KLHL13: variants seen among roughly 807,000 people sequenced by gnomAD.
The protein encoded by KLHL13 is kelch-like protein 13.
Under a neutral mutation model 37.1 loss-of-function variants are expected in KLHL13, and 10 were observed. That is an observed-to-expected ratio of 0.27 (90% CI 0.17 to 0.46). KLHL13 has a LOEUF of 0.46. KLHL13 is among the 20% of genes least tolerant of loss of function. The pLI is 1.00. For synonymous variants in KLHL13, 163 were observed against 181.2 expected (o/e 0.90, Z 0.81); for missense variants, 360 against 509.3 (o/e 0.71, Z 2.82).
chrX:118,010,224 G>C (rs1195461699), intron 1 of KLHL13, among the ~76,000 whole-genome samples: 9 of 87,990 alleles, frequency 1.0e-4, no homozygotes, highest in Non-Finnish European at 1.6e-4. Context: ...ATTTGACCCA[G>C]CCATCCCATT....
At chrX:117,969,415 G>A (rs773583121) in intron 1 of KLHL13, among the ~76,000 whole-genome samples, 1 of 111,791 alleles carries the variant, frequency 8.9e-6, no homozygotes, top group African/African-American at 3.2e-5. Context: ...TGCTCTTTCA[G>A]CTTTATTAAT....
chrX:118,019,968 T>C (rs766023680), intron 1 of KLHL13, among the ~76,000 whole-genome samples: 2 of 107,806 alleles, frequency 1.9e-5, no homozygotes, highest in East Asian at 2.9e-4. Context: ...ATTGACTTGG[T>C]GATGTGGGCT....
At chrX:117,928,140 G>C (rs1182455388) in intron 2 of KLHL13, among the ~76,000 whole-genome samples, 2 of 111,828 alleles carry the variant, frequency 1.8e-5, no homozygotes, top group African/African-American at 6.5e-5. Flanking sequence ...TTTACCAAGA[G>C]AACATAAATT....
At chrX:117,912,696 G>C (rs1031472003) in intron 4 of KLHL13, among the ~76,000 whole-genome samples, 1 of 111,552 alleles carries the variant, frequency 9.0e-6, no homozygotes, top group African/African-American at 3.3e-5. Flanking sequence ...ATAACCTTCC[G>C]AACTGTTATC....
chrX:118,073,725 T>TAA (rs759024099), intron 1 of KLHL13, among the ~76,000 whole-genome samples: 17 of 112,095 alleles, frequency 1.5e-4, no homozygotes, highest in African/African-American at 5.5e-4. Flanking sequence ...TCTAACAATA[T>TAA]AAAGTTGGCT....
intron 2 of KLHL13, among the ~76,000 whole-genome samples, chrX:117,940,597 T>C (rs1481595916): frequency 8.9e-6 from 1 of 111,849 alleles, no homozygotes; most frequent in Non-Finnish European, 1.9e-5. Context: ...TTTCCATTTG[T>C]TTGTGTCCTC....
intron 1 of KLHL13, among the ~76,000 whole-genome samples, chrX:118,032,270 G>A (rs948794535): frequency 8.9e-6 from 1 of 112,345 alleles, no homozygotes; most frequent in Non-Finnish European, 1.9e-5. Flanking sequence ...GCCTCTGCAG[G>A]CTCCACCTCT....
At chrX:118,051,455 G>A (rs1245301008) in intron 1 of KLHL13, among the ~76,000 whole-genome samples, 7 of 109,385 alleles carry the variant, frequency 6.4e-5, no homozygotes, top group Admixed American at 4.9e-4. Flanking sequence ...GCAGGAGAAT[G>A]GCATGAACCC....
At chrX:117,979,645 C>T (rs1336234164) in intron 1 of KLHL13, among the ~76,000 whole-genome samples, 1 of 111,288 alleles carries the variant, frequency 9.0e-6, no homozygotes, top group Non-Finnish European at 1.9e-5. Context: ...GTTGTTAAAC[C>T]TGCTATTACC....
intron 1 of KLHL13, among the ~76,000 whole-genome samples, chrX:118,101,436 G>A (rs1279601815): frequency 2.7e-5 from 3 of 111,752 alleles, no homozygotes; most frequent in African/African-American, 9.8e-5. Context: ...GAGAGAGACA[G>A]AGAAGGAAAA....
At chrX:117,985,754 TTTA>T in intron 1 of KLHL13, among the ~76,000 whole-genome samples, 1 of 111,199 alleles carries the variant, frequency 9.0e-6, no homozygotes, top group Middle Eastern at 4.7e-3. Flanking sequence ...ATCTTTATTT[TTTA>T]TTATCTTTAA....
chrX:117,937,907 T>C (rs894970622), intron 2 of KLHL13, among the ~76,000 whole-genome samples: 50 of 111,872 alleles, frequency 4.5e-4, no homozygotes, highest in African/African-American at 1.5e-3. Context: ...TCCCCCCAAT[T>C]TCCCTAGCTG....
At chrX:117,928,873 A>G (rs1476884281) in intron 2 of KLHL13, among the ~76,000 whole-genome samples, 1 of 112,176 alleles carries the variant, frequency 8.9e-6, no homozygotes. Flanking sequence ...ACAGAAAAAC[A>G]GAAAAAGCAA....
chrX:118,049,308 C>T (rs953265061), intron 1 of KLHL13, among the ~76,000 whole-genome samples: 12 of 111,805 alleles, frequency 1.1e-4, no homozygotes, highest in African/African-American at 3.6e-4. Context: ...AATCAAAAAA[C>T]CGCAAAATCT....
intron 1 of KLHL13, among the ~76,000 whole-genome samples, chrX:118,027,616 C>A (rs10218415): frequency 0.054 from 5,798 of 108,285 alleles, 390 homozygotes; most frequent in African/African-American, 0.18. Context: ...CTCACTCACA[C>A]CCGCTCTCTA....
chrX:117,910,115 A>C lies in KLHL13; in HGVS notation c.571-19T>G. ...AAGTGACCTATTAAGCCAATTAAAAAAAATTAAAACATGACTACTTTCATG... is the reference window on the plus strand; with the variant it reads ...AAGTGACCTATTAAGCCAATTAAAACAAATTAAAACATGACTACTTTCATG... On this transcript the variant is annotated intron_variant, in intron 4 of 6. Coordinates refer to ENST00000262820, the Ensembl canonical transcript of KLHL13. The C allele has an allele frequency of 9.0e-7, 1 of 1,106,811 alleles. No homozygotes were observed. The highest frequency in any genetic ancestry group is 1.2e-6 in the Non-Finnish European group (1 of 837,891). The allele number at this position is 1,106,811 out of a possible 1,213,427, so 91.2% of individuals were successfully genotyped here. A position where few individuals can be genotyped will look rare whatever the true frequency, so the allele number is the denominator to read the frequency against.
intron 2 of KLHL13, among the ~76,000 whole-genome samples, chrX:117,943,553 C>A (rs965016435): frequency 1.8e-5 from 2 of 108,696 alleles, no homozygotes; most frequent in African/African-American, 6.7e-5. Context: ...TTGATCTTGT[C>A]TTCTTGCTTT....
intron 1 of KLHL13, among the ~76,000 whole-genome samples, chrX:118,079,473 C>T (rs1266401073): frequency 9.0e-6 from 1 of 110,641 alleles, no homozygotes; most frequent in African/African-American, 3.3e-5. Flanking sequence ...GTATGAAAAT[C>T]GGTAACCTTT....
intron 1 of KLHL13, among the ~76,000 whole-genome samples, chrX:117,969,395 TA>T (rs1467596114): frequency 1.8e-5 from 2 of 111,929 alleles, no homozygotes; most frequent in Non-Finnish European, 3.8e-5. Context: ...TAAAAACACT[TA>T]GATGTGATTG....
Sources: allele counts gnomAD v4.1 joint callset (sites outside exome capture counted in the v4.1 genomes callset), GRCh38; gene constraint gnomAD v4.1.1; transcripts MANE v1.5; gene names NCBI Gene and HGNC (gene_info 2026-07-23, HGNC 2026-07-21).